Variants in SAP18 observed in about 807,000 individuals in gnomAD.
The protein encoded by SAP18 is histone deacetylase complex subunit SAP18.
In SAP18, 4 loss-of-function variants were observed where a neutral mutation model predicts 18.6. That is an observed-to-expected ratio of 0.21 (90% CI 0.11 to 0.49). The LOEUF is 0.49. Ranked by LOEUF, SAP18 falls within the 20% of genes least tolerant of loss-of-function variation. The probability of loss-of-function intolerance (pLI) is 0.98; values close to 1 mark genes in which losing one functional copy is unlikely to be tolerated. For synonymous variants in SAP18, 112 were observed against 82.8 expected (o/e 1.35, Z -1.92); for missense variants, 170 against 226.4 (o/e 0.75, Z 1.60).
chr13:21,143,921 T>C (rs944307671), intron 2 of SAP18, among the ~76,000 whole-genome samples: 3 of 151,902 alleles, frequency 2.0e-5, no homozygotes, highest in East Asian at 1.9e-4. Context: ...GAAATAGTAA[T>C]GAGGGAAAAT....
At chr13:21,147,293 C>G in exon 4 of SAP18, 3 of 1,614,042 alleles carry the variant, frequency 1.9e-6, no homozygotes, top group Non-Finnish European at 2.5e-6. Context: ...ATAGCAATTA[C>G]CCCTCCAAAT....
At chr13:21,145,694 G>T (rs907475080) in intron 2 of SAP18, among the ~76,000 whole-genome samples, 4 of 152,178 alleles carry the variant, frequency 2.6e-5, no homozygotes, top group East Asian at 3.9e-4. Context: ...TGGATTTTTA[G>T]TAGAAACGGG....
exon 4 of SAP18, chr13:21,147,401 C>T (rs1037776824): frequency 4.2e-6 from 6 of 1,423,016 alleles, no homozygotes; most frequent in Non-Finnish European, 4.8e-6. Flanking sequence ...TAAACATACT[C>T]TTCTTCCTCC....
intron 2 of SAP18, among the ~76,000 whole-genome samples, chr13:21,143,268 A>G (rs549613751): frequency 2.0e-5 from 3 of 152,308 alleles, no homozygotes; most frequent in African/African-American, 7.2e-5. Flanking sequence ...AACTTTGTTT[A>G]ATTTTTGAGG....
intron 2 of SAP18, 24 bp downstream of exon 2, chr13:21,141,019 G>T: frequency 6.7e-7 from 1 of 1,492,178 alleles, no homozygotes; most frequent in South Asian, 1.1e-5. Flanking sequence ...GGTGGCCTCA[G>T]GGACCCGGGC....
At chr13:21,147,303 T>C (rs1032737647) in exon 4 of SAP18, 1 of 1,613,934 alleles carries the variant, frequency 6.2e-7, no homozygotes, top group Non-Finnish European at 8.5e-7. Context: ...CCCCTCCAAA[T>C]CGGGCACCAC....
chr13:21,147,505 G>A (rs183906377), exon 4 of SAP18: 41 of 659,880 alleles, frequency 6.2e-5, no homozygotes, highest in South Asian at 4.0e-4. Flanking sequence ...GTATGATTAC[G>A]AATAGTCTGT....
At chr13:21,146,427 G>A (rs1869653161) in intron 2 of SAP18, 1 of 156,514 alleles carries the variant, frequency 6.4e-6, no homozygotes, top group Admixed American at 6.3e-5. Context: ...CTAAAATGTG[G>A]AAGGGTACAT....
At chr13:21,141,575 G>C (rs929946952) in intron 2 of SAP18, 2 of 158,462 alleles carry the variant, frequency 1.3e-5, no homozygotes, top group African/African-American at 4.8e-5. Flanking sequence ...CTGTGGGCTT[G>C]TCTTTAGCGC....
chr13:21,143,826 C>T (rs1869551489), intron 2 of SAP18, among the ~76,000 whole-genome samples: 2 of 152,146 alleles, frequency 1.3e-5, no homozygotes, highest in Non-Finnish European at 2.9e-5. Context: ...CTTTAAGTTA[C>T]ATCTCAAAAT....
exon 4 of SAP18, chr13:21,148,360 T>C (rs1188632718): frequency 6.6e-6 from 1 of 152,208 alleles, no homozygotes; most frequent in Non-Finnish European, 1.5e-5. Context: ...CATAAAGTGG[T>C]ATTAAAACTG....
chr13:21,143,782 G>A (rs965656493), intron 2 of SAP18, among the ~76,000 whole-genome samples: 3 of 152,048 alleles, frequency 2.0e-5, no homozygotes, highest in Non-Finnish European at 4.4e-5. Context: ...AAACTATACC[G>A]TCCATAAATT....
chr13:21,145,418 T>C (rs548353186), intron 2 of SAP18, among the ~76,000 whole-genome samples: 69 of 152,270 alleles, frequency 4.5e-4, no homozygotes, highest in African/African-American at 1.6e-3. Context: ...GGGTAAGGGA[T>C]ACTGAACCTA....
At chr13:21,140,561 T>A in exon 1 of SAP18, 2 of 1,595,872 alleles carry the variant, frequency 1.3e-6, no homozygotes, top group Non-Finnish European at 1.7e-6. Context: ...TCATGCTCGC[T>A]GCAGGGGTCG....
intron 2 of SAP18, among the ~76,000 whole-genome samples, chr13:21,145,063 C>CTT (rs1869600799): frequency 7.2e-6 from 1 of 138,748 alleles, no homozygotes; most frequent in African/African-American, 2.7e-5. Flanking sequence ...AGTTCTTGAC[C>CTT]TCTTTTTTTT....
In SAP18 at chr13:21,140,547, G is replaced by A; in HGVS notation, c.-6G>A. 1 of 1,582,592 alleles carries A rather than the reference G, an allele frequency of 6.3e-7. No homozygotes were observed. The highest frequency in any genetic ancestry group is 8.6e-7 in the Non-Finnish European group (1 of 1,165,196). On this transcript the variant is annotated 5_prime_UTR_variant, in exon 1 of 4. It adds an upstream start codon to the 5' untranslated region. Coordinates refer to ENST00000621421, the Ensembl canonical transcript of SAP18. Reference sequence around the variant, plus strand: ...CGAGCTTCTCCTCGCGAGAGACTTAGTGCTCATGCTCGCTGCAGGGGTCGG... The same window carrying A: ...CGAGCTTCTCCTCGCGAGAGACTTAATGCTCATGCTCGCTGCAGGGGTCGG...
At chr13:21,140,803 G>A in intron 1 of SAP18, 83 bp from the exon 2 acceptor site, 1 of 1,568,756 alleles carries the variant, frequency 6.4e-7, no homozygotes, top group Non-Finnish European at 8.8e-7. Flanking sequence ...CTCGGAGGCC[G>A]CAACGCCTCG....
intron 2 of SAP18, among the ~76,000 whole-genome samples, chr13:21,141,987 A>G (rs1015034783): frequency 6.7e-6 from 1 of 149,826 alleles, no homozygotes; most frequent in Non-Finnish European, 1.5e-5. Context: ...TTTTATTGTG[A>G]TGAAAAGATA....
chr13:21,142,879 G>T (rs745685923), intron 2 of SAP18, among the ~76,000 whole-genome samples: 4 of 152,084 alleles, frequency 2.6e-5, no homozygotes, highest in Non-Finnish European at 4.4e-5. Context: ...AGGACACTCT[G>T]TGCCTATTAA....
Sources: allele counts gnomAD v4.1 joint callset (sites outside exome capture counted in the v4.1 genomes callset), GRCh38; gene constraint gnomAD v4.1.1; transcripts MANE v1.5; gene names NCBI Gene and HGNC (gene_info 2026-07-23, HGNC 2026-07-21).